PSMB2: variants seen among roughly 807,000 people sequenced by gnomAD.
PSMB2 encodes the protein proteasome subunit beta type-2.
PSMB2 carries 13 observed loss-of-function variants against 25.7 expected under a neutral mutation model. The observed-to-expected ratio is 0.51, with a 90% CI of 0.33 to 0.80. PSMB2 has a LOEUF of 0.80. Ranked by LOEUF, PSMB2 falls within the 30% of genes least tolerant of loss-of-function variation. The probability of loss-of-function intolerance (pLI) is 0.02; values close to 1 mark genes in which losing one functional copy is unlikely to be tolerated. For missense variants in PSMB2, 202 were observed against 259.0 expected (o/e 0.78, Z 1.51); for synonymous variants, 87 against 96.2 (o/e 0.90, Z 0.56).
At chr1:35,630,762 T>C (rs1651064518) in intron 3 of PSMB2, among the ~76,000 whole-genome samples, 2 of 152,216 alleles carry the variant, frequency 1.3e-5, no homozygotes. Context: ...TAATGGTAGA[T>C]ACATGTCATT....
At chr1:35,609,143 C>T in intron 4 of PSMB2, 103 bp downstream of exon 4, 1 of 1,170,320 alleles carries the variant, frequency 8.5e-7, no homozygotes, top group Non-Finnish European at 1.1e-6. Flanking sequence ...TAGGATCCAT[C>T]CTATTCAAGC....
intron 3 of PSMB2, among the ~76,000 whole-genome samples, chr1:35,625,061 A>AG (rs1165141913): frequency 1.2e-4 from 1 of 8,332 alleles, no homozygotes; most frequent in Non-Finnish European, 0.025. Flanking sequence ...ACTCCACCTC[A>AG]AAAAAAAAAA....
intron 3 of PSMB2, among the ~76,000 whole-genome samples, chr1:35,630,391 T>A (rs141224481): frequency 3.3e-5 from 5 of 152,308 alleles, no homozygotes; most frequent in Non-Finnish European, 1.5e-5. Context: ...TGCACATGGA[T>A]GTATACATTA....
chr1:35,611,164 C>A (rs1650319935), intron 3 of PSMB2, among the ~76,000 whole-genome samples: 1 of 152,168 alleles, frequency 6.6e-6, no homozygotes, highest in Non-Finnish European at 1.5e-5. Flanking sequence ...ATGGATATGT[C>A]CCCATCCCTA....
rs1245047863 is a variant in PSMB2 at position 35,601,544 on chromosome 1, T to C, written c.*1723A>G. 2.0e-6 allele frequency: 2 copies of C among 985,276 alleles called. No homozygotes were observed. The highest frequency in any genetic ancestry group is 3.5e-5 in the African/African-American group (2 of 57,230). 61.0% of individuals were successfully genotyped at this position (985,276 alleles called of 1,614,324 possible). On this transcript the variant is annotated 3_prime_UTR_variant, in exon 6 of 6. Coordinates refer to ENST00000373237, the MANE Select transcript of PSMB2 (RefSeq NM_002794.5). ...CTTTCTTCTTATGGTGTAAGGCATT[T>C]ATCATTGGCGTATTAAATAGTGTAT...
rs1420927148 is a variant in PSMB2 at position 35,631,997 on chromosome 1, G to A, written c.215-653C>T. Among the ~76,000 whole-genome samples, 4 of 152,198 alleles carry A rather than the reference G, an allele frequency of 2.6e-5. No homozygotes were observed. In the South Asian group the frequency reaches 8.3e-4, roughly 32 times the overall value. Reference sequence around the variant, plus strand: ...TGTGCCACTGCACTACAGCATGGGTGACAGAGCAAGACCCTGTCTCTAAAA... The same window carrying A: ...TGTGCCACTGCACTACAGCATGGGTAACAGAGCAAGACCCTGTCTCTAAAA... On this transcript the variant is annotated intron_variant, in intron 2 of 5. Transcript: ENST00000373237.
At position 35,619,931 on chromosome 1, in the gene PSMB2, C is replaced by A. The variant is rs116625844; in HGVS notation, c.286-10523G>T. On this transcript the variant is annotated intron_variant, in intron 3 of 5. Transcript: ENST00000373237. ...TGATTGTGCAATGATAAAACCAACA[C>A]CATGTTTGCAACAAGGACACTTGAA... Among the ~76,000 whole-genome samples, 1,149 of 152,338 alleles carry A rather than the reference C, an allele frequency of 7.5e-3. 5 individuals are homozygous for A. The highest frequency in any genetic ancestry group is 0.013 in the Non-Finnish European group (876 of 68,036).
chr1:35,631,541 A>G, intron 2 of PSMB2, 197 bp from the exon 3 acceptor site: 2 of 1,381,268 alleles, frequency 1.4e-6, no homozygotes, highest in Non-Finnish European at 1.9e-6. Flanking sequence ...TAGTACTGAC[A>G]GCAATTCTTG....
Position 35,640,087 on chromosome 1 carries a change from A to ATACTATACTGTACTG in PSMB2, c.91+1254_91+1255insCAGTACAGTATAGTA, listed in dbSNP as rs1553126269. ...ATACTATACTATACTATACTATACT[A>ATACTATACTGTACTG]TACTATACTATACTATCTATACTAA... On this transcript the variant is annotated intron_variant, in intron 1 of 5. Coordinates refer to ENST00000373237, the MANE Select transcript of PSMB2 (RefSeq NM_002794.5). Among the ~76,000 whole-genome samples the ATACTATACTGTACTG allele has an allele frequency of 1.1e-3, 164 of 151,772 alleles. 1 individual carries two copies. Among genetic ancestry groups the ATACTATACTGTACTG allele is most frequent in the East Asian group, 8.9e-3 (46 of 5,176 alleles).
chr1:35,609,326 G>A lies in PSMB2; in HGVS notation c.368C>T (p.Ala123Val), dbSNP rs141977664. ...GGCTGCAAAAGGGGCCTTGGCCAAG[G>A]CTGCCAGGTAGTCCATGTAATACAG... ...PALYYMDYLA[A>V]LAKAPFAAHG... The change falls in exon 4 of 6, where the codon GCC becomes GTC. Residue 123 changes from alanine (A) to valine (V), a missense_variant. By Grantham distance (64) the Ala-to-Val change is moderately conservative. Transcript: ENST00000373237. The A allele has an allele frequency of 2.3e-3, 3,712 of 1,613,400 alleles. 4 individuals carry two copies. The highest frequency in any genetic ancestry group is 2.7e-3 in the Non-Finnish European group (3,145 of 1,179,698).
intron 3 of PSMB2, among the ~76,000 whole-genome samples, chr1:35,611,467 T>G (rs1019054554): frequency 3.9e-5 from 6 of 152,098 alleles, no homozygotes; most frequent in African/African-American, 1.4e-4. Flanking sequence ...CTCAGCCTCC[T>G]GAGCAGCTAC....
chr1:35,628,136 A>C (rs1285368487), intron 3 of PSMB2, among the ~76,000 whole-genome samples: 1 of 152,144 alleles, frequency 6.6e-6, no homozygotes, highest in African/African-American at 2.4e-5. Context: ...TAGAACTAAG[A>C]ATCTATTTTG....
rs1366657296 is a variant in PSMB2 at position 35,603,047 on chromosome 1, G to C, written c.*220C>G. The C allele has an allele frequency of 7.6e-7, 1 of 1,312,610 alleles. No homozygotes were observed. The highest frequency in any genetic ancestry group is 9.7e-7 in the Non-Finnish European group (1 of 1,028,830). 81.3% of individuals were successfully genotyped at this position (1,312,610 alleles called of 1,614,324 possible). ...CTGAGCGTTAATGGAGGGCGGAGCA[G>C]GAAGAAAAGTCAGACCTGGCAAAAA... On this transcript the variant is annotated 3_prime_UTR_variant, in exon 6 of 6. Transcript: ENST00000373237.
At chr1:35,638,660 T>C (rs890721409) in intron 1 of PSMB2, among the ~76,000 whole-genome samples, 17 of 152,130 alleles carry the variant, frequency 1.1e-4, no homozygotes, top group African/African-American at 4.1e-4. Flanking sequence ...AAGAGAGAAT[T>C]CTGTGTGGGC....
intron 3 of PSMB2, among the ~76,000 whole-genome samples, chr1:35,620,725 C>CA (rs371156135): frequency 0.014 from 1,905 of 140,062 alleles, 35 homozygotes; most frequent in East Asian, 0.071. Flanking sequence ...AAGACTGTCT[C>CA]AAAAAAAAAA....
At chr1:35,614,526 GTT>G (rs1000350174) in intron 3 of PSMB2, among the ~76,000 whole-genome samples, 1 of 152,212 alleles carries the variant, frequency 6.6e-6, no homozygotes, top group African/African-American at 2.4e-5. Flanking sequence ...GTAAGACAAA[GTT>G]TTGAGGTCCC....
intron 4 of PSMB2, 54 bp downstream of exon 4, chr1:35,609,192 G>A: frequency 7.1e-7 from 1 of 1,403,234 alleles, no homozygotes; most frequent in Non-Finnish European, 9.4e-7. Context: ...AACCTGGGAA[G>A]CAGCTGAGGG....
chr1:35,607,720 T>A (rs1650209217), intron 4 of PSMB2, among the ~76,000 whole-genome samples: 1 of 152,172 alleles, frequency 6.6e-6, no homozygotes, highest in Non-Finnish European at 1.5e-5. Flanking sequence ...GATGAAATCA[T>A]TATATCACTG....
intron 3 of PSMB2, among the ~76,000 whole-genome samples, chr1:35,609,916 C>T (rs964416030): frequency 2.0e-5 from 3 of 152,014 alleles, no homozygotes; most frequent in Non-Finnish European, 2.9e-5. Context: ...TACACACATA[C>T]GATGAACGCA....
Sources: gnomAD v4.1 joint callset for allele counts (sites outside exome capture counted in the v4.1 genomes callset) on GRCh38, gnomAD v4.1.1 for gene constraint, MANE v1.5 for transcripts, NCBI Gene and HGNC (gene_info 2026-07-23, HGNC 2026-07-21) for gene names.